RNGTT: variants seen among roughly 807,000 people sequenced by gnomAD.
RNGTT encodes mRNA-capping enzyme.
In RNGTT, 33 loss-of-function variants were observed where a neutral mutation model predicts 79.3. That is an observed-to-expected ratio of 0.42 (90% CI 0.32 to 0.56). The LOEUF is 0.56. Ranked by LOEUF, RNGTT falls within the 20% of genes least tolerant of loss-of-function variation. The pLI, the probability that RNGTT is intolerant of heterozygous loss-of-function variation, is 0.17. For synonymous variants in RNGTT, 222 were observed against 235.9 expected (o/e 0.94, Z 0.54); for missense variants, 497 against 739.1 (o/e 0.67, Z 3.80).
chr6:88,910,148 T>G (rs1177808924), intron 4 of RNGTT, among the ~76,000 whole-genome samples: 2 of 152,086 alleles, frequency 1.3e-5, no homozygotes, highest in Non-Finnish European at 2.9e-5. Context: ...ACGTAATGTC[T>G]GAAATTATAG....
intron 13 of RNGTT, among the ~76,000 whole-genome samples, chr6:88,734,688 G>A (rs909590508): frequency 2.0e-5 from 3 of 152,086 alleles, no homozygotes; most frequent in Non-Finnish European, 4.4e-5. Context: ...CTGACTTAAC[G>A]ACAGTTGAAA....
At chr6:88,901,931 A>C (rs1489520507) in intron 6 of RNGTT, among the ~76,000 whole-genome samples, 1 of 152,248 alleles carries the variant, frequency 6.6e-6, no homozygotes, top group East Asian at 1.9e-4. Flanking sequence ...CTCTTCAGTT[A>C]GAAGGAAAAC....
In RNGTT at chr6:88,828,064, A is replaced by G. The variant is rs1582510949; in HGVS notation, c.1269+16293T>C. ...TGCTAAGGGACAGATGGCCTCCTCA[A>G]TTGGGTCCCTGACCCCAGTGCCTAC... On this transcript the variant is annotated intron_variant, in intron 11 of 15. Transcript: ENST00000369485. Among the ~76,000 whole-genome samples, 5 of 152,256 alleles carry G rather than the reference A, an allele frequency of 3.3e-5. No individual in the cohort carries two copies. In the South Asian group the frequency reaches 1.0e-3, roughly 32 times the overall value.
intron 14 of RNGTT, among the ~76,000 whole-genome samples, chr6:88,671,084 G>C (rs1038919973): frequency 2.0e-5 from 3 of 152,148 alleles, no homozygotes; most frequent in East Asian, 1.9e-4. Flanking sequence ...ATTCATTACA[G>C]TAATGGAAGT....
intron 8 of RNGTT, among the ~76,000 whole-genome samples, chr6:88,885,711 C>T (rs1216010809): frequency 6.6e-6 from 1 of 152,216 alleles, no homozygotes; most frequent in Non-Finnish European, 1.5e-5. Context: ...TCATGGCAGA[C>T]ATGCCTTTAT....
intron 12 of RNGTT, among the ~76,000 whole-genome samples, chr6:88,786,957 T>C (rs762797968): frequency 6.6e-6 from 1 of 152,182 alleles, no homozygotes; most frequent in Non-Finnish European, 1.5e-5. Context: ...CCTTCTGCCA[T>C]GTGGGACACA....
At chr6:88,752,312 C>T (rs756040993) in intron 13 of RNGTT, among the ~76,000 whole-genome samples, 3 of 151,990 alleles carry the variant, frequency 2.0e-5, no homozygotes, top group Admixed American at 1.3e-4. Context: ...ATTTATTCCT[C>T]ACTGGTTTTA....
chr6:88,721,912 C>T (rs892124733), intron 13 of RNGTT, among the ~76,000 whole-genome samples: 18 of 151,952 alleles, frequency 1.2e-4, no homozygotes, highest in Admixed American at 1.0e-3. Flanking sequence ...ATTATCATTT[C>T]TACAATGCTA....
Position 88,937,626 on chromosome 6 carries a change from T to G in RNGTT, c.174+3445A>C, listed in dbSNP as rs1784709750. Among the ~76,000 whole-genome samples, 3 of 152,210 alleles carry G rather than the reference T, an allele frequency of 2.0e-5. No individual in the cohort carries two copies. In the South Asian group the frequency reaches 6.2e-4, roughly 32 times the overall value. On this transcript the variant is annotated intron_variant, in intron 2 of 15. Coordinates refer to ENST00000369485, the MANE Select transcript of RNGTT (RefSeq NM_003800.5). ...GTTTGTTCTTGCCTTTCTAGTTCCT[T>G]GTGGTGCATCATTATTTATCTGAAT...
At chr6:88,726,027 CAGAG>C (rs560134535) in intron 13 of RNGTT, among the ~76,000 whole-genome samples, 3 of 151,592 alleles carry the variant, frequency 2.0e-5, no homozygotes, top group Admixed American at 6.6e-5. Context: ...GAGAGAGAGA[CAGAG>C]AGTCAAAGAG....
Position 88,891,420 on chromosome 6 carries a change from C to T in RNGTT, c.794+386G>A, listed in dbSNP as rs557321931. Among the ~76,000 whole-genome samples, 16 of 152,228 alleles carry T rather than the reference C, an allele frequency of 1.1e-4. No homozygotes were observed. The South Asian group carries it at 2.7e-3, about 26-fold the overall frequency. On this transcript the variant is annotated intron_variant, in intron 7 of 15. Coordinates refer to ENST00000369485, the MANE Select transcript of RNGTT (RefSeq NM_003800.5). ...AGATATTTTCAAGTCATGGCATTCA[C>T]TGCTTATATTTAAAGCTGATTTTCC...
Position 88,649,947 on chromosome 6 carries a change from C to T in RNGTT, c.1506+28406G>A, listed in dbSNP as rs559968158. ...TACTCTAACACGAATGAATAGAATT[C>T]AAATGAACAGAATTGTCTTTACTTT... is the stretch of plus-strand genomic sequence containing the variant. On this transcript the variant is annotated intron_variant, in intron 14 of 15. Transcript: ENST00000369485. Among the ~76,000 whole-genome samples the T allele has an allele frequency of 7.4e-4, 112 of 152,272 alleles. 1 individual carries two copies. Among genetic ancestry groups the T allele is most frequent in the Admixed American group, 1.5e-3 (23 of 15,306 alleles).
At chr6:88,824,286 C>T (rs894000884) in intron 11 of RNGTT, among the ~76,000 whole-genome samples, 24 of 152,180 alleles carry the variant, frequency 1.6e-4, no homozygotes, top group Non-Finnish European at 2.6e-4. Flanking sequence ...AGGCTACAAA[C>T]CTGTACAGCA....
intron 14 of RNGTT, among the ~76,000 whole-genome samples, chr6:88,644,803 C>T (rs1056927397): frequency 4.6e-5 from 7 of 152,330 alleles, no homozygotes; most frequent in East Asian, 1.9e-4. Flanking sequence ...AATTCAACAG[C>T]GCTTCATGCT....
chr6:88,933,973 C>A (rs1007850321), intron 2 of RNGTT, among the ~76,000 whole-genome samples: 3 of 152,170 alleles, frequency 2.0e-5, no homozygotes, highest in African/African-American at 7.2e-5. Context: ...CATATGAGTT[C>A]TCTTTTCTCC....
intron 13 of RNGTT, among the ~76,000 whole-genome samples, chr6:88,764,657 CT>C (rs1778391131): frequency 6.6e-6 from 1 of 152,070 alleles, no homozygotes; most frequent in Non-Finnish European, 1.5e-5. Flanking sequence ...CTGAATATTT[CT>C]GGAGTGCCTA....
intron 11 of RNGTT, among the ~76,000 whole-genome samples, chr6:88,810,553 A>G (rs1048311985): frequency 2.6e-5 from 4 of 152,204 alleles, no homozygotes; most frequent in Non-Finnish European, 4.4e-5. Context: ...AGGAGTTAGC[A>G]AAAAGTCAAA....
chr6:88,698,535 A>G (rs1455439681), intron 13 of RNGTT, among the ~76,000 whole-genome samples: 1 of 151,426 alleles, frequency 6.6e-6, no homozygotes, highest in African/African-American at 2.4e-5. Flanking sequence ...CATTTGTAAA[A>G]GGCCTTGAAC....
chr6:88,945,794 T>C (rs1337326354), intron 1 of RNGTT, among the ~76,000 whole-genome samples: 1 of 152,194 alleles, frequency 6.6e-6, no homozygotes. Flanking sequence ...AAGTTAGCTA[T>C]ACGACTACCA....
Sources: allele counts gnomAD v4.1 joint callset (sites outside exome capture counted in the v4.1 genomes callset), GRCh38; gene constraint gnomAD v4.1.1; transcripts MANE v1.5; gene names NCBI Gene and HGNC (gene_info 2026-07-23, HGNC 2026-07-21).